The following TENM4 variants were observed in gnomAD, a reference collection of about 807,000 sequenced individuals.
The protein encoded by TENM4 is teneurin transmembrane protein 4, also known as teneurin-4.
TENM4 carries 82 observed loss-of-function variants against 243.3 expected under a neutral mutation model. The observed-to-expected ratio is 0.34, with a 90% CI of 0.28 to 0.40. The LOEUF (loss-of-function observed/expected upper bound fraction) is 0.40, where lower values mean the gene tolerates loss of function less well. Ranked by LOEUF, TENM4 falls within the 10% of genes least tolerant of loss-of-function variation. The pLI is 1.00. For synonymous variants in TENM4, 1,412 were observed against 1,456.3 expected (o/e 0.97, Z 0.69); for missense variants, 3,138 against 3,673.3 (o/e 0.85, Z 3.77).
intron 1 of TENM4, among the ~76,000 whole-genome samples, chr11:79,350,670 C>A (rs1272184374): frequency 6.6e-6 from 1 of 151,158 alleles, no homozygotes; most frequent in Non-Finnish European, 1.5e-5. Context: ...GAACTCCTGG[C>A]CTCGAGTGGT....
At chr11:79,373,330 C>CTGGCTGGA (rs1555056887) in intron 1 of TENM4, among the ~76,000 whole-genome samples, 6 of 96,138 alleles carry the variant, frequency 6.2e-5, no homozygotes, top group African/African-American at 3.1e-4. Flanking sequence ...GGCTGGCTGG[C>CTGGCTGGA]TGGATGGATG....
chr11:79,264,489 C>G (rs1010091135), intron 2 of TENM4, among the ~76,000 whole-genome samples: 20 of 152,128 alleles, frequency 1.3e-4, no homozygotes, highest in African/African-American at 4.1e-4. Flanking sequence ...AACGGATTCC[C>G]GTCCCCCTGC....
At chr11:78,695,145 GA>G (rs35785498) in intron 28 of TENM4, among the ~76,000 whole-genome samples, 9,222 of 151,164 alleles carry the variant, frequency 0.061, 678 homozygotes, top group African/African-American at 0.18. Flanking sequence ...CTCCTGGGCT[GA>G]AAAGTGCTCT....
intron 25 of TENM4, among the ~76,000 whole-genome samples, chr11:78,719,334 AC>A: frequency 6.6e-6 from 1 of 152,140 alleles, no homozygotes. Flanking sequence ...AAAGGACATA[AC>A]CCTCTATCTG....
chr11:78,880,457 T>TAAAAAAAAAAAA lies in TENM4; in HGVS notation c.1084+9316_1084+9327dup, dbSNP rs71763484. ...ACACCCAAGAATGATCAATAAATACTAAAAAAAAAAAAAAAAAAAAAAAAA... is the reference window on the plus strand; with the variant it reads ...ACACCCAAGAATGATCAATAAATACTAAAAAAAAAAAAAAAAAAAAAAAAAAAAAAAAAAAAA... On this transcript the variant is annotated intron_variant, in intron 9 of 33. Coordinates refer to ENST00000278550, the MANE Select transcript of TENM4 (RefSeq NM_001098816.3). Among the ~76,000 whole-genome samples, 266 of 104,532 alleles carry TAAAAAAAAAAAA rather than the reference T, an allele frequency of 2.5e-3. 2 individuals are homozygous for TAAAAAAAAAAAA. The highest frequency in any genetic ancestry group is 0.01 in the Middle Eastern group (2 of 200). 68.6% of individuals were successfully genotyped at this position (104,532 alleles called of 152,430 possible).
At chr11:78,877,986 G>A (rs1003609033) in intron 9 of TENM4, among the ~76,000 whole-genome samples, 4 of 152,168 alleles carry the variant, frequency 2.6e-5, no homozygotes, top group African/African-American at 9.7e-5. Flanking sequence ...CAGATGAGCA[G>A]TTAGGGCAAA....
At chr11:79,025,552 G>C (rs1428718988) in intron 6 of TENM4, among the ~76,000 whole-genome samples, 1 of 152,170 alleles carries the variant, frequency 6.6e-6, no homozygotes, top group Admixed American at 6.5e-5. Context: ...TTAGCCTTTG[G>C]CAAGGATAGA....
intron 9 of TENM4, among the ~76,000 whole-genome samples, chr11:78,871,510 A>G (rs946695548): frequency 2.0e-5 from 3 of 152,210 alleles, no homozygotes; most frequent in African/African-American, 7.2e-5. Context: ...CACCGCACAG[A>G]TGAAGAAACT....
intron 1 of TENM4, among the ~76,000 whole-genome samples, chr11:79,429,219 A>T (rs982291974): frequency 3.3e-5 from 5 of 152,176 alleles, no homozygotes; most frequent in Non-Finnish European, 7.3e-5. Flanking sequence ...CTATGTCTAC[A>T]GGCAACTTTA....
At chr11:79,022,920 A>C (rs1289097826) in intron 6 of TENM4, among the ~76,000 whole-genome samples, 1 of 152,202 alleles carries the variant, frequency 6.6e-6, no homozygotes, top group Non-Finnish European at 1.5e-5. Flanking sequence ...TATTACAATA[A>C]CCCTGTAAGA....
chr11:79,048,150 C>T (rs555064722), intron 6 of TENM4, among the ~76,000 whole-genome samples: 9 of 152,242 alleles, frequency 5.9e-5, no homozygotes, highest in African/African-American at 1.7e-4. Flanking sequence ...GAGGTGACGG[C>T]ATTCACCTGT....
At chr11:79,113,723 G>A (rs1861559649) in intron 4 of TENM4, among the ~76,000 whole-genome samples, 1 of 152,124 alleles carries the variant, frequency 6.6e-6, no homozygotes, top group Admixed American at 6.5e-5. Context: ...GGGAACCCTG[G>A]CCCTGCCATG....
chr11:79,252,236 C>T (rs1463203183), intron 2 of TENM4, among the ~76,000 whole-genome samples: 1 of 152,142 alleles, frequency 6.6e-6, no homozygotes, highest in Non-Finnish European at 1.5e-5. Flanking sequence ...CGAAGAAGTT[C>T]TCTCTTTTTC....
intron 3 of TENM4, among the ~76,000 whole-genome samples, chr11:79,210,128 T>C (rs1863929314): frequency 2.6e-5 from 4 of 152,222 alleles, no homozygotes; most frequent in Admixed American, 1.3e-4. Flanking sequence ...GGAAGTACGG[T>C]GTCCTCTTTA....
chr11:79,312,760 G>A (rs1856742811), intron 1 of TENM4, among the ~76,000 whole-genome samples: 2 of 152,202 alleles, frequency 1.3e-5, no homozygotes, highest in Non-Finnish European at 2.9e-5. Flanking sequence ...GTCGTGGTGA[G>A]GTGCAAGATG....
chr11:79,264,488 C>G (rs1855850532), intron 2 of TENM4, among the ~76,000 whole-genome samples: 2 of 152,126 alleles, frequency 1.3e-5, no homozygotes, highest in Admixed American at 6.5e-5. Context: ...TAACGGATTC[C>G]CGTCCCCCTG....
At chr11:78,886,505 C>T (rs542630525) in intron 9 of TENM4, among the ~76,000 whole-genome samples, 9 of 152,352 alleles carry the variant, frequency 5.9e-5, no homozygotes, top group South Asian at 2.1e-4. Flanking sequence ...ACCTGCAACG[C>T]GTTCACCTGC....
intron 20 of TENM4, among the ~76,000 whole-genome samples, chr11:78,734,685 C>A (rs77075503): frequency 0.011 from 1,734 of 152,208 alleles, 23 homozygotes; most frequent in South Asian, 0.047. Flanking sequence ...AACTTCACCT[C>A]CCCCACACAG....
chr11:78,677,845 C>T (rs1858520967), intron 29 of TENM4, among the ~76,000 whole-genome samples: 1 of 143,786 alleles, frequency 7.0e-6, no homozygotes, highest in African/African-American at 2.6e-5. Context: ...CATATGTATA[C>T]ATGTGCCATG....
Sources: gnomAD v4.1 joint callset for allele counts (sites outside exome capture counted in the v4.1 genomes callset) on GRCh38, gnomAD v4.1.1 for gene constraint, MANE v1.5 for transcripts, NCBI Gene and HGNC (gene_info 2026-07-23, HGNC 2026-07-21) for gene names.